GPC6: variants seen among roughly 807,000 people sequenced by gnomAD.
The protein encoded by GPC6 is glypican 6.
In GPC6, 14 loss-of-function variants were observed where a neutral mutation model predicts 55.2. The ratio of observed to expected loss-of-function variants is 0.25; its 90% confidence interval spans 0.17 to 0.40. The LOEUF is 0.40. Among genes scored for constraint, GPC6 ranks in the 10% least tolerant of loss-of-function variants. The probability of loss-of-function intolerance (pLI) is 1.00; values close to 1 mark genes in which losing one functional copy is unlikely to be tolerated. For missense variants in GPC6, 641 were observed against 708.5 expected, an observed-to-expected ratio of 0.90 and a Z score of 1.08; for synonymous variants, 278 against 259.6, an observed-to-expected ratio of 1.07 and a Z score of -0.68.
At chr13:94,048,619 A>G (rs1305817251) in intron 4 of GPC6, among the ~76,000 whole-genome samples, 1 of 152,002 alleles carries the variant, frequency 6.6e-6, no homozygotes, top group Non-Finnish European at 1.5e-5. Flanking sequence ...CAGAAAAAAA[A>G]AACGAAGAGA....
At chr13:94,243,015 A>G (rs1474965099) in intron 4 of GPC6, among the ~76,000 whole-genome samples, 3 of 151,996 alleles carry the variant, frequency 2.0e-5, no homozygotes. Flanking sequence ...TTTAATTGTC[A>G]GAGGATTATA....
At chr13:93,664,687 G>T (rs150820506) in intron 2 of GPC6, among the ~76,000 whole-genome samples, 4 of 151,926 alleles carry the variant, frequency 2.6e-5, no homozygotes, top group African/African-American at 9.7e-5. Flanking sequence ...ATGTGATCTC[G>T]GCTCACTGCA....
At chr13:93,527,177 AC>A (rs1881683147) in intron 1 of GPC6, among the ~76,000 whole-genome samples, 1 of 152,128 alleles carries the variant, frequency 6.6e-6, no homozygotes, top group Admixed American at 6.6e-5. Flanking sequence ...TAGCAGTCAA[AC>A]AAATTAACAT....
chr13:93,394,981 A>T (rs1875788895), intron 1 of GPC6: 1 of 224,106 alleles, frequency 4.5e-6, no homozygotes, highest in Non-Finnish European at 9.3e-6. Context: ...ACAGAAGCAA[A>T]GTATTGGCCT....
At chr13:93,632,353 T>C (rs180983165) in intron 2 of GPC6, among the ~76,000 whole-genome samples, 291 of 152,222 alleles carry the variant, frequency 1.9e-3, no homozygotes, top group African/African-American at 6.3e-3. Flanking sequence ...CAAGCCACTT[T>C]AATCCCAGCA....
intron 1 of GPC6, among the ~76,000 whole-genome samples, chr13:93,313,920 G>A (rs1158137152): frequency 6.6e-6 from 1 of 152,122 alleles, no homozygotes; most frequent in Admixed American, 6.6e-5. Flanking sequence ...ACAATGTACT[G>A]TGCAACCTTT....
rs138919258 is a variant in GPC6, at chr13:93,704,396, G to A, written c.320-125758G>A. On this transcript the variant is annotated intron_variant, in intron 2 of 8. Transcript: ENST00000377047. ...AAAGCTAGCAAAGAAGCATCACGTT[G>A]TCATGAACTAAAATTGAGAGTTAAA... is the stretch of plus-strand genomic sequence containing the variant. 2.6e-5 allele frequency among the ~76,000 whole-genome samples: 4 copies of A among 152,022 alleles called. No individual in the cohort carries two copies. The East Asian group carries it at 5.8e-4, about 22-fold the overall frequency.
At chr13:94,102,975 G>A (rs1307176884) in intron 4 of GPC6, among the ~76,000 whole-genome samples, 7 of 152,108 alleles carry the variant, frequency 4.6e-5, no homozygotes, top group African/African-American at 1.7e-4. Flanking sequence ...CCATGTTGGT[G>A]TGCTGCACCC....
chr13:93,622,016 C>A (rs1000048002), intron 2 of GPC6, among the ~76,000 whole-genome samples: 6 of 152,104 alleles, frequency 3.9e-5, no homozygotes, highest in Non-Finnish European at 8.8e-5. Flanking sequence ...ACCCCAGCTG[C>A]CACCCAGACA....
At chr13:93,924,424 T>G (rs1419267237) in intron 3 of GPC6, among the ~76,000 whole-genome samples, 1 of 152,214 alleles carries the variant, frequency 6.6e-6, no homozygotes, top group Non-Finnish European at 1.5e-5. Flanking sequence ...TAACAAACAT[T>G]TTATGCTAAG....
chr13:94,330,748 A>G (rs1178610348), intron 6 of GPC6, among the ~76,000 whole-genome samples: 2 of 152,178 alleles, frequency 1.3e-5, no homozygotes, highest in South Asian at 2.1e-4. Context: ...TCTGTGCTCC[A>G]TGTTTTTCCC....
chr13:94,001,595 G>A (rs1302133474), intron 3 of GPC6, among the ~76,000 whole-genome samples: 2 of 152,124 alleles, frequency 1.3e-5, no homozygotes, highest in African/African-American at 4.8e-5. Context: ...TAGATAAATA[G>A]CATACCCACT....
intron 1 of GPC6, among the ~76,000 whole-genome samples, chr13:93,251,535 T>G (rs1391416269): frequency 6.6e-6 from 1 of 152,236 alleles, no homozygotes; most frequent in Non-Finnish European, 1.5e-5. Flanking sequence ...TAGGAATCTT[T>G]GGGATTCCTT....
intron 6 of GPC6, among the ~76,000 whole-genome samples, chr13:94,331,643 C>T (rs1292451862): frequency 6.6e-6 from 1 of 152,118 alleles, no homozygotes; most frequent in African/African-American, 2.4e-5. Flanking sequence ...CTTGAGTGTC[C>T]ACCTAAAATG....
intron 1 of GPC6, among the ~76,000 whole-genome samples, chr13:93,381,600 G>C (rs1488812433): frequency 6.6e-6 from 1 of 152,144 alleles, no homozygotes; most frequent in African/African-American, 2.4e-5. Flanking sequence ...GGTAAAACTT[G>C]CCTTCTGTCT....
intron 2 of GPC6, among the ~76,000 whole-genome samples, chr13:93,569,254 TA>T (rs1199920887): frequency 1.3e-5 from 2 of 152,050 alleles, no homozygotes; most frequent in African/African-American, 4.8e-5. Context: ...TAGTCAACAA[TA>T]AAAAAGAGGG....
Position 93,227,341 on chromosome 13 carries a change from G to T in GPC6, c.-116G>T. ...GTCCCCTCGGCTGGCAGAAGGGGGTGACGCTGGGCAGCGGCGAGGAGCGCG... is the reference window on the plus strand; with the variant it reads ...GTCCCCTCGGCTGGCAGAAGGGGGTTACGCTGGGCAGCGGCGAGGAGCGCG... On this transcript the variant is annotated 5_prime_UTR_variant, in exon 1 of 9. Coordinates refer to ENST00000377047, the MANE Select transcript of GPC6 (RefSeq NM_005708.5). The surrounding 1 kb of genome is among the most constrained non-coding windows in gnomAD (Gnocchi z 4.3). The T allele has an allele frequency of 9.9e-7, 1 of 1,009,752 alleles. No individual in the cohort carries two copies. The allele number at this position is 1,009,752 out of a possible 1,614,324, so 62.5% of individuals were successfully genotyped here.
chr13:93,821,966 C>T (rs890149556), intron 2 of GPC6, among the ~76,000 whole-genome samples: 3 of 151,626 alleles, frequency 2.0e-5, no homozygotes, highest in Non-Finnish European at 4.4e-5. Context: ...TGTAATTTGT[C>T]AGGGATATGT....
chr13:93,370,035 T>C (rs1881394485), intron 1 of GPC6, among the ~76,000 whole-genome samples: 2 of 152,146 alleles, frequency 1.3e-5, no homozygotes, highest in African/African-American at 4.8e-5. Flanking sequence ...CACGTTATTC[T>C]GTCTGTCTCT....
Sources: gnomAD v4.1 joint callset for allele counts (sites outside exome capture counted in the v4.1 genomes callset) on GRCh38, gnomAD v4.1.1 for gene constraint, Gnocchi (gnomAD v3.1) non-coding constraint, MANE v1.5 for transcripts, NCBI Gene and HGNC (gene_info 2026-07-23, HGNC 2026-07-21) for gene names.